CNTN6: variants seen among roughly 807,000 people sequenced by gnomAD.
CNTN6 encodes the protein contactin-6.
Under a neutral mutation model 122.8 loss-of-function variants are expected in CNTN6, and 137 were observed. The observed-to-expected ratio is 1.12, with a 90% confidence interval of 0.97 to 1.29. The LOEUF is 1.29. Among genes scored for constraint, CNTN6 ranks in the 50% most tolerant of loss-of-function variants. CNTN6 has a pLI of 0.00. For missense variants in CNTN6, 1,634 were observed against 1,223.4 expected (o/e 1.34, Z -5.01); for synonymous variants, 570 against 426.0 (o/e 1.34, Z -4.16).
intron 5 of CNTN6, among the ~76,000 whole-genome samples, chr3:1,284,041 C>G (rs1470108566): frequency 1.3e-5 from 2 of 152,044 alleles, no homozygotes; most frequent in African/African-American, 4.8e-5. Flanking sequence ...AACTAAGTCC[C>G]GAGCTCATAA....
intron 2 of CNTN6, among the ~76,000 whole-genome samples, chr3:1,195,163 C>A (rs73816819): frequency 6.7e-4 from 102 of 152,240 alleles, no homozygotes; most frequent in African/African-American, 2.4e-3. Context: ...ATCCAACTAG[C>A]CATTTCTAAG....
chr3:1,160,099 A>T (rs1340675690), intron 2 of CNTN6, among the ~76,000 whole-genome samples: 1 of 152,066 alleles, frequency 6.6e-6, no homozygotes, highest in Non-Finnish European at 1.5e-5. Context: ...GATTACAGAC[A>T]TCAGCCACCA....
intron 2 of CNTN6, among the ~76,000 whole-genome samples, chr3:1,163,751 G>A (rs775366551): frequency 8.5e-5 from 13 of 152,196 alleles, no homozygotes; most frequent in African/African-American, 2.4e-4. Flanking sequence ...CTGTCAATGC[G>A]GTCAATCAGT....
intron 1 of CNTN6, among the ~76,000 whole-genome samples, chr3:1,094,780 T>C (rs1231330881): frequency 6.6e-6 from 1 of 152,084 alleles, no homozygotes; most frequent in African/African-American, 2.4e-5. Context: ...TTTTAGTAAG[T>C]AAAAATGCTC....
chr3:1,184,180 C>A lies in CNTN6; in HGVS notation c.55+36117C>A, dbSNP rs552891436. ...GGTTAGAAATAAGGCACAGGTTCCACCTACACTCAAAAACAAGGGATGTAA... is the reference window on the plus strand; with the variant it reads ...GGTTAGAAATAAGGCACAGGTTCCAACTACACTCAAAAACAAGGGATGTAA... On this transcript the variant is annotated intron_variant, in intron 2 of 22. Transcript: ENST00000446702. Among the ~76,000 whole-genome samples the A allele has an allele frequency of 3.3e-5, 5 of 152,234 alleles. No homozygotes were observed. The East Asian group carries it at 9.7e-4, about 29-fold the overall frequency.
chr3:1,196,408 G>A (rs948050669), intron 2 of CNTN6, among the ~76,000 whole-genome samples: 1 of 152,154 alleles, frequency 6.6e-6, no homozygotes, highest in African/African-American at 2.4e-5. Context: ...AAAAGTGGAT[G>A]ATAATGATAA....
intron 7 of CNTN6, among the ~76,000 whole-genome samples, chr3:1,306,174 C>T (rs1698322607): frequency 6.6e-6 from 1 of 152,120 alleles, no homozygotes; most frequent in Admixed American, 6.6e-5. Flanking sequence ...TTGAGTTGAG[C>T]AGATAGAGAA....
At chr3:1,134,903 T>A (rs1445039949) in intron 1 of CNTN6, among the ~76,000 whole-genome samples, 1 of 152,048 alleles carries the variant, frequency 6.6e-6, no homozygotes, top group Non-Finnish European at 1.5e-5. Flanking sequence ...TAGATAATAT[T>A]TTAGTCCCCT....
At chr3:1,313,971 CA>C (rs1019022587) in intron 7 of CNTN6, among the ~76,000 whole-genome samples, 13 of 152,186 alleles carry the variant, frequency 8.5e-5, no homozygotes, top group African/African-American at 3.1e-4. Flanking sequence ...ATCTTCATGT[CA>C]TAGTCCCACC....
intron 7 of CNTN6, among the ~76,000 whole-genome samples, chr3:1,302,110 GTCTTA>G (rs1287841373): frequency 1.3e-5 from 2 of 152,044 alleles, no homozygotes; most frequent in Admixed American, 6.6e-5. Flanking sequence ...AAAGTCAAAC[GTCTTA>G]TCTTCAAAAT....
At chr3:1,245,217 T>TATATATATATATAAC (rs2094546727) in intron 4 of CNTN6, among the ~76,000 whole-genome samples, 1 of 23,830 alleles carries the variant, frequency 4.2e-5, no homozygotes, top group Non-Finnish European at 6.9e-5. Flanking sequence ...TATATATATA[T>TATATATATATATAAC]ATATATATAT....
At chr3:1,285,975 T>C (rs1317400948) in intron 5 of CNTN6, among the ~76,000 whole-genome samples, 1 of 152,126 alleles carries the variant, frequency 6.6e-6, no homozygotes, top group Non-Finnish European at 1.5e-5. Flanking sequence ...CAAAGTCAGC[T>C]CTCTAGAAAG....
At chr3:1,333,299 A>G (rs985679212) in intron 11 of CNTN6, among the ~76,000 whole-genome samples, 1 of 152,042 alleles carries the variant, frequency 6.6e-6, no homozygotes, top group Non-Finnish European at 1.5e-5. Flanking sequence ...GAGATAATGT[A>G]TCCCATTTTC....
Position 1,401,558 on chromosome 3 carries a change from T to C in CNTN6, c.2817+13T>C. 1 of 1,573,830 alleles carries C rather than the reference T, an allele frequency of 6.4e-7. No homozygotes were observed. The highest frequency in any genetic ancestry group is 8.7e-7 in the Non-Finnish European group (1 of 1,148,580). On this transcript the variant is annotated intron_variant, in intron 21 of 22. Coordinates refer to ENST00000446702, the MANE Select transcript of CNTN6 (RefSeq NM_001289080.2). ...TTTGGGGTACAAGGTGAGTTTTTAG[T>C]TTTTCCTTTAATCATATCAATTAAG... is the stretch of plus-strand genomic sequence containing the variant.
At chr3:1,372,249 C>A (rs777994199) in intron 12 of CNTN6, 50 bp from the exon 13 acceptor site, 5 of 1,407,508 alleles carry the variant, frequency 3.6e-6, no homozygotes, top group Admixed American at 2.2e-5. Flanking sequence ...ATTTTATAAC[C>A]ATAGGCTAGC....
intron 1 of CNTN6, among the ~76,000 whole-genome samples, 159 bp from the exon 2 acceptor site, chr3:1,147,768 C>T (rs776108456): frequency 6.6e-6 from 1 of 151,960 alleles, no homozygotes; most frequent in Admixed American, 6.6e-5. Context: ...ATTACTGGAA[C>T]TCGCAGAACA....
chr3:1,341,776 A>C (rs948658270), intron 11 of CNTN6, among the ~76,000 whole-genome samples: 1 of 152,194 alleles, frequency 6.6e-6, no homozygotes, highest in Non-Finnish European at 1.5e-5. Context: ...AAGACAGTTG[A>C]ACCAAAGACT....
chr3:1,344,417 A>T (rs1704355241), intron 11 of CNTN6, among the ~76,000 whole-genome samples: 2 of 152,188 alleles, frequency 1.3e-5, no homozygotes, highest in Non-Finnish European at 2.9e-5. Context: ...AATTTACCTG[A>T]CTGCCCCTTT....
chr3:1,279,106 C>G (rs1692926028), intron 5 of CNTN6, among the ~76,000 whole-genome samples: 1 of 152,156 alleles, frequency 6.6e-6, no homozygotes, highest in Non-Finnish European at 1.5e-5. Context: ...TAACTGGAAG[C>G]AAATTCTGTA....
Sources: gnomAD v4.1 joint callset for allele counts (sites outside exome capture counted in the v4.1 genomes callset) on GRCh38, gnomAD v4.1.1 for gene constraint, MANE v1.5 for transcripts, NCBI Gene and HGNC (gene_info 2026-07-23, HGNC 2026-07-21) for gene names.